The following FANCC variants were observed in gnomAD, a reference collection of about 807,000 sequenced individuals.
FANCC encodes Fanconi anemia group C protein.
Under a neutral mutation model 71.3 loss-of-function variants are expected in FANCC, and 55 were observed. The observed-to-expected ratio is 0.77, with a 90% confidence interval of 0.62 to 0.97. The LOEUF is 0.97. FANCC is among the 50% of genes least tolerant of loss of function. FANCC has a pLI of 0.00. For synonymous variants in FANCC, 275 were observed against 244.9 expected (o/e 1.12, Z -1.15); for missense variants, 678 against 670.9 (o/e 1.01, Z -0.12).
In FANCC at chr9:95,111,161, C is replaced by T. The variant is rs931915470; in HGVS notation, c.1329+302G>A. On this transcript the variant is annotated intron_variant, in intron 13 of 14. Coordinates refer to ENST00000289081, the MANE Select transcript of FANCC (RefSeq NM_000136.3). The stretch of plus-strand genomic sequence containing the variant: ...GCAGGGCACGCCTTGGAGGACGCGA[C>T]CCTGGGGCAGATATGGCAGCTGAGC... 6 of 1,535,436 alleles carry T rather than the reference C, an allele frequency of 3.9e-6. No individual in the cohort carries two copies. The African/African-American group carries it at 8.2e-5, about 21-fold the overall frequency.
Position 95,122,513 on chromosome 9 carries a change from G to A in FANCC, c.996+2573C>T, listed in dbSNP as rs1281054583. ...TCCTTTCCTTTGTTGAGCTGAAGGC[G>A]AGGGTGGTGAATTCCTGTTTGTTTT... is the stretch of plus-strand genomic sequence containing the variant. On this transcript the variant is annotated intron_variant, in intron 10 of 14. Transcript: ENST00000289081. Among the ~76,000 whole-genome samples the A allele has an allele frequency of 2.6e-5, 4 of 152,168 alleles. No individual in the cohort carries two copies. The South Asian group carries it at 6.2e-4, about 24-fold the overall frequency.
At chr9:95,177,115 C>T (rs1334630602) in intron 4 of FANCC, among the ~76,000 whole-genome samples, 2 of 152,182 alleles carry the variant, frequency 1.3e-5, no homozygotes, top group East Asian at 1.9e-4. Context: ...AGTTTCTTTG[C>T]GTGCAAACAT....
chr9:95,254,885 G>C (rs1441244262), intron 1 of FANCC, among the ~76,000 whole-genome samples: 11 of 152,278 alleles, frequency 7.2e-5, no homozygotes, highest in Non-Finnish European at 1.3e-4. Context: ...GCTTGAGCTT[G>C]GTGGGGGGAG....
chr9:95,118,663 A>G (rs116048175), intron 10 of FANCC, among the ~76,000 whole-genome samples: 2,070 of 152,270 alleles, frequency 0.014, 42 homozygotes, highest in African/African-American at 0.047. Context: ...AGGGAACATA[A>G]AGTATGTTTT....
At chr9:95,111,255 CGTCTCT>C (rs2071898720) in intron 13 of FANCC, 1 of 1,542,592 alleles carries the variant, frequency 6.5e-7, no homozygotes, top group Non-Finnish European at 8.7e-7. Flanking sequence ...GGCAGCGTCT[CGTCTCT>C]GGCCACCTCG....
At chr9:95,292,405 C>T (rs1350130391) in intron 1 of FANCC, 3 of 1,061,050 alleles carry the variant, frequency 2.8e-6, no homozygotes, top group Non-Finnish European at 3.4e-6. Context: ...CGCGCCGTCC[C>T]GGCGGCCACG....
chr9:95,230,716 G>A (rs555426134), intron 4 of FANCC, among the ~76,000 whole-genome samples: 3 of 152,264 alleles, frequency 2.0e-5, no homozygotes, highest in East Asian at 1.9e-4. Flanking sequence ...TGTGAAGAGC[G>A]AAAGAACAAA....
intron 1 of FANCC, among the ~76,000 whole-genome samples, chr9:95,302,164 T>A (rs898380986): frequency 2.0e-5 from 3 of 152,138 alleles, no homozygotes; most frequent in African/African-American, 7.2e-5. Flanking sequence ...TTAAACATGT[T>A]TAATTTAATG....
chr9:95,251,297 GTAATT>G (rs1301520714), intron 1 of FANCC, among the ~76,000 whole-genome samples: 1 of 152,058 alleles, frequency 6.6e-6, no homozygotes, highest in Admixed American at 6.6e-5. Flanking sequence ...TCCAGATGAA[GTAATT>G]TAATTTTATT....
chr9:95,206,798 C>T (rs1326890174), intron 4 of FANCC, among the ~76,000 whole-genome samples: 1 of 152,200 alleles, frequency 6.6e-6, no homozygotes, highest in Non-Finnish European at 1.5e-5. Flanking sequence ...ATCTGCAGGT[C>T]TGTTTACCCC....
chr9:95,210,864 C>T (rs911997704), intron 4 of FANCC, among the ~76,000 whole-genome samples: 5 of 152,132 alleles, frequency 3.3e-5, no homozygotes, highest in Non-Finnish European at 7.3e-5. Context: ...ATTCCATAAA[C>T]TCTATCTATA....
At chr9:95,144,161 T>G (rs1829187759) in intron 7 of FANCC, among the ~76,000 whole-genome samples, 1 of 152,152 alleles carries the variant, frequency 6.6e-6, no homozygotes, top group South Asian at 2.1e-4. Flanking sequence ...GCTGGTAATT[T>G]GCACTGATTG....
intron 1 of FANCC, among the ~76,000 whole-genome samples, chr9:95,287,607 T>G (rs549499929): frequency 1.3e-5 from 2 of 152,312 alleles, no homozygotes; most frequent in South Asian, 2.1e-4. Flanking sequence ...GAAAAATGCT[T>G]TCCATAGAGT....
Position 95,240,731 on chromosome 9 carries a change from T to G in FANCC, c.263A>C (p.Lys88Thr). ...ACAACATAAGCACCATATTAGAATTTTTTGGCTTTCATCTACAAAAAGGAA... is the reference window on the plus strand; with the variant it reads ...ACAACATAAGCACCATATTAGAATTGTTTGGCTTTCATCTACAAAAAGGAA... Reference protein sequence around the residue: ...PFILAYDESQKILIWCLCCLI... With the variant: ...PFILAYDESQTILIWCLCCLI... Residue 88 changes from lysine (K) to threonine (T), a missense_variant, in exon 4 of 15, where the codon AAA becomes ACA. Lys to Thr is a moderately conservative substitution (Grantham distance 78, BLOSUM62 -1). Transcript: ENST00000289081. The G allele has an allele frequency of 6.2e-7, 1 of 1,611,452 alleles. No homozygotes were observed. The highest frequency in any genetic ancestry group is 1.1e-5 in the South Asian group (1 of 90,632).
chr9:95,245,996 G>C (rs2136082060), intron 3 of FANCC, among the ~76,000 whole-genome samples: 1 of 152,270 alleles, frequency 6.6e-6, no homozygotes, highest in African/African-American at 2.4e-5. Flanking sequence ...GAAAGTCTAA[G>C]GGGGGTGCCA....
intron 4 of FANCC, among the ~76,000 whole-genome samples, chr9:95,213,442 G>A (rs2135888642): frequency 6.6e-6 from 1 of 152,172 alleles, no homozygotes; most frequent in African/African-American, 2.4e-5. Flanking sequence ...GTGTGGTCCA[G>A]GCAGAAAGAC....
intron 1 of FANCC, among the ~76,000 whole-genome samples, chr9:95,272,967 T>C (rs762914966): frequency 1.2e-4 from 19 of 152,178 alleles, no homozygotes; most frequent in Admixed American, 5.2e-4. Context: ...TACAGAGAGA[T>C]GAAGAACCTT....
At chr9:95,175,536 C>T (rs376910633) in intron 4 of FANCC, among the ~76,000 whole-genome samples, 1 of 152,162 alleles carries the variant, frequency 6.6e-6, no homozygotes, top group Admixed American at 6.5e-5. Flanking sequence ...CAAGAGAGTT[C>T]GTCTCCATGT....
At chr9:95,234,570 G>T (rs1320304365) in intron 4 of FANCC, among the ~76,000 whole-genome samples, 1 of 152,180 alleles carries the variant, frequency 6.6e-6, no homozygotes, top group Non-Finnish European at 1.5e-5. Context: ...CTTCCTCCTG[G>T]ATAGCAAGAT....
Sources: gnomAD v4.1 joint callset for allele counts (sites outside exome capture counted in the v4.1 genomes callset) on GRCh38, gnomAD v4.1.1 for gene constraint, MANE v1.5 for transcripts, NCBI Gene and HGNC (gene_info 2026-07-23, HGNC 2026-07-21) for gene names.